LZTFL1: variants seen among roughly 807,000 people sequenced by gnomAD.
LZTFL1 encodes leucine zipper transcription factor-like protein 1.
A neutral mutation model predicts 45.9 loss-of-function variants in LZTFL1; 25 were observed. That is an observed-to-expected ratio of 0.54 (90% CI 0.40 to 0.76). The LOEUF (loss-of-function observed/expected upper bound fraction) is 0.76, where lower values mean the gene tolerates loss of function less well. LZTFL1 is among the 30% of genes least tolerant of loss of function. LZTFL1 has a pLI of 0.00. For synonymous variants in LZTFL1, 93 were observed against 117.4 expected (o/e 0.79, Z 1.35); for missense variants, 277 against 331.1 (o/e 0.84, Z 1.27).
At chr3:45,876,279 C>T (rs1255103528) in intron 2 of LZTFL1, among the ~76,000 whole-genome samples, 1 of 152,116 alleles carries the variant, frequency 6.6e-6, no homozygotes, top group Non-Finnish European at 1.5e-5. Flanking sequence ...GTGAGACACA[C>T]CTTTCATTTG....
chr3:45,880,087 G>A (rs561274421), intron 2 of LZTFL1, among the ~76,000 whole-genome samples: 3 of 152,262 alleles, frequency 2.0e-5, no homozygotes, highest in African/African-American at 7.2e-5. Context: ...TGGATCCTGC[G>A]GTGGCCTAGG....
intron 4 of LZTFL1, among the ~76,000 whole-genome samples, chr3:45,853,922 T>A (rs1701345182): frequency 6.6e-6 from 1 of 152,210 alleles, no homozygotes; most frequent in African/African-American, 2.4e-5. Context: ...GCACTTCACC[T>A]GTCATTCGCT....
chr3:45,904,349 C>G (rs980875226), intron 2 of LZTFL1, among the ~76,000 whole-genome samples: 1 of 152,218 alleles, frequency 6.6e-6, no homozygotes, highest in East Asian at 1.9e-4. Flanking sequence ...GTGATGCTGT[C>G]CTGCTATCTA....
At chr3:45,835,369 G>A (rs899588317) in intron 3 of LZTFL1, 3 of 470,650 alleles carry the variant, frequency 6.4e-6, no homozygotes, top group Non-Finnish European at 7.5e-6. Context: ...CATAAATCTC[G>A]ATGGCCTTTG....
chr3:45,862,824 T>C (rs746951550), intron 2 of LZTFL1, among the ~76,000 whole-genome samples: 1 of 152,246 alleles, frequency 6.6e-6, no homozygotes, highest in Non-Finnish European at 1.5e-5. Flanking sequence ...TCAGGCACTC[T>C]TCTGGAATTC....
At chr3:45,877,167 A>C (rs1457837525) in intron 2 of LZTFL1, among the ~76,000 whole-genome samples, 1 of 152,160 alleles carries the variant, frequency 6.6e-6, no homozygotes, top group Non-Finnish European at 1.5e-5. Flanking sequence ...GATACTAAAC[A>C]GACCTCTTTC....
At chr3:45,887,582 G>C (rs1043225842) in intron 2 of LZTFL1, among the ~76,000 whole-genome samples, 5 of 152,198 alleles carry the variant, frequency 3.3e-5, no homozygotes, top group Admixed American at 2.0e-4. Context: ...GTGCTGAACC[G>C]GAAGGGCTGT....
At chr3:45,856,967 C>A (rs187931832) in intron 3 of LZTFL1, among the ~76,000 whole-genome samples, 1 of 152,142 alleles carries the variant, frequency 6.6e-6, no homozygotes, top group Non-Finnish European at 1.5e-5. Flanking sequence ...TGTGGCAATT[C>A]GTCAAAGATG....
At chr3:45,867,535 T>C (rs902460713) in intron 2 of LZTFL1, among the ~76,000 whole-genome samples, 2 of 152,140 alleles carry the variant, frequency 1.3e-5, no homozygotes, top group African/African-American at 4.8e-5. Context: ...TGTTACTATT[T>C]AGCACTTCTT....
intron 2 of LZTFL1, among the ~76,000 whole-genome samples, chr3:45,873,576 T>C (rs1701703146): frequency 6.6e-6 from 1 of 152,214 alleles, no homozygotes. Flanking sequence ...CCTTTTGTTT[T>C]TCCTGGAGTT....
chr3:45,911,160 C>A (rs1193353591), intron 2 of LZTFL1, among the ~76,000 whole-genome samples: 1 of 152,190 alleles, frequency 6.6e-6, no homozygotes, highest in African/African-American at 2.4e-5. Flanking sequence ...TTCCACTGGT[C>A]AGAGCAGCCA....
At chr3:45,833,026 C>A in intron 5 of LZTFL1, 24 bp downstream of exon 5, 1 of 1,557,484 alleles carries the variant, frequency 6.4e-7, no homozygotes, top group Non-Finnish European at 8.9e-7. Flanking sequence ...AGAGACTTTC[C>A]GTTTCTCAAA....
intron 2 of LZTFL1, among the ~76,000 whole-genome samples, chr3:45,908,367 C>T (rs1429929257): frequency 2.0e-5 from 3 of 152,236 alleles, no homozygotes; most frequent in Admixed American, 6.5e-5. Flanking sequence ...CCTCATTCAA[C>T]ATTTATTGAG....
Position 45,901,400 on chromosome 3 carries a change from C to G in LZTFL1, c.-215+11720G>C. 1 of 1,614,176 alleles carries G rather than the reference C, an allele frequency of 6.2e-7. No homozygotes were observed. The highest frequency in any genetic ancestry group is 8.5e-7 in the Non-Finnish European group (1 of 1,180,026). On this transcript the variant is annotated intron_variant, in intron 2 of 4. Transcript: ENST00000472635. This position sits in a 1 kb window ranked among gnomAD's most constrained non-coding sequence, Gnocchi z 4.3. The stretch of plus-strand genomic sequence containing the variant: ...CTATCTGCACCATGGTTTACCCTAG[C>G]GATGAGAGCACCAAACTGAAGTCAG...
Position 45,900,929 on chromosome 3 carries a change from G to A in LZTFL1, c.-215+12191C>T, listed in dbSNP as rs372974725. ...AGAAAAACAATGTCAGGCAGTTTGC[G>A]AGCCATTTCCTCCCACCCTTGTACT... On this transcript the variant is annotated intron_variant, in intron 2 of 4. Coordinates refer to the LZTFL1 transcript ENST00000472635. This position sits in a 1 kb window ranked among gnomAD's most constrained non-coding sequence, Gnocchi z 4.7. 7.4e-6 allele frequency: 12 copies of A among 1,614,182 alleles called. No individual in the cohort carries two copies. Among genetic ancestry groups the A allele is most frequent in the African/African-American group, 2.7e-5 (2 of 75,044 alleles).
intron 4 of LZTFL1, among the ~76,000 whole-genome samples, chr3:45,851,947 G>C (rs1292147207): frequency 6.6e-6 from 1 of 151,806 alleles, no homozygotes; most frequent in Admixed American, 6.6e-5. Flanking sequence ...GGGCTTTTTA[G>C]ATGCCTGGAC....
chr3:45,859,662 A>C lies in LZTFL1; in HGVS notation c.-214-646T>G, dbSNP rs1701450942. Among the ~76,000 whole-genome samples the C allele has an allele frequency of 2.1e-5, 3 of 140,234 alleles. No homozygotes were observed. In the Admixed American group the frequency reaches 2.2e-4, roughly 10 times the overall value. The allele number at this position is 140,234 out of a possible 152,430, so 92.0% of individuals were successfully genotyped here. ...GGCTTTTTTTTTTTTTTTTTGGCAG[A>C]GTCTCACTCTGTTGCCCAGGCTGGC... On this transcript the variant is annotated intron_variant, in intron 2 of 4. Transcript: ENST00000472635.
At chr3:45,885,141 G>A (rs1289116446) in intron 2 of LZTFL1, among the ~76,000 whole-genome samples, 1 of 152,212 alleles carries the variant, frequency 6.6e-6, no homozygotes, top group African/African-American at 2.4e-5. Flanking sequence ...TACGGGAACT[G>A]AGGGTGATGA....
rs1702832902 is a variant in LZTFL1, at chr3:45,913,148, T to C, written c.-243A>G. The C allele has an allele frequency of 2.6e-6, 4 of 1,536,032 alleles. No homozygotes were observed. In the East Asian group the frequency reaches 9.8e-5, roughly 38 times the overall value. The stretch of plus-strand genomic sequence containing the variant: ...CTTCCCTGGGTCTTGGTTCCTCATC[T>C]GTAAAAGTGGGCTGACTTACAGCAA... On this transcript the variant is annotated 5_prime_UTR_variant, in exon 2 of 5. Coordinates refer to the LZTFL1 transcript ENST00000472635.
Sources: allele counts gnomAD v4.1 joint callset (sites outside exome capture counted in the v4.1 genomes callset), GRCh38; gene constraint gnomAD v4.1.1; non-coding constraint Gnocchi (gnomAD v3.1); transcripts MANE v1.5; gene names NCBI Gene and HGNC (gene_info 2026-07-23, HGNC 2026-07-21).